ASPH: variants seen among roughly 807,000 people sequenced by gnomAD.
ASPH encodes aspartate beta-hydroxylase.
ASPH carries 100 observed loss-of-function variants against 118.4 expected under a neutral mutation model. That is an observed-to-expected ratio of 0.84 (90% CI 0.72 to 1.00). The LOEUF (loss-of-function observed/expected upper bound fraction) is 1.00, where lower values mean the gene tolerates loss of function less well. Among genes scored for constraint, ASPH ranks in the 50% least tolerant of loss-of-function variants. ASPH has a pLI of 0.00. For missense variants in ASPH, 920 were observed against 919.5 expected (o/e 1.00, Z -0.01); for synonymous variants, 315 against 325.6 (o/e 0.97, Z 0.35).
At chr8:61,682,013 TATC>T (rs1352510682) in intron 2 of ASPH, among the ~76,000 whole-genome samples, 1 of 151,998 alleles carries the variant, frequency 6.6e-6, no homozygotes, top group Non-Finnish European at 1.5e-5. Context: ...TGGCAATTGT[TATC>T]ATTTCTTTAA....
intron 1 of ASPH, among the ~76,000 whole-genome samples, chr8:61,685,033 AGAT>A (rs1829877394): frequency 6.6e-6 from 1 of 152,206 alleles, no homozygotes; most frequent in African/African-American, 2.4e-5. Context: ...TTTATCAAAC[AGAT>A]GATGGAAGGC....
chr8:61,646,636 T>C (rs1325116364), intron 6 of ASPH, 114 bp downstream of exon 6: 1 of 1,230,298 alleles, frequency 8.1e-7, no homozygotes, highest in Non-Finnish European at 1.1e-6. Flanking sequence ...GCTTCAACTT[T>C]TAAAAATCTA....
rs116980669 is a variant in ASPH at position 61,697,617 on chromosome 8, C to T, written c.104-13429G>A. ...ACCCCCTCCTCCAGTTTGATTAATGCGCTAAAGGGGTTCACAGAACTCAGA... is the reference window on the plus strand; with the variant it reads ...ACCCCCTCCTCCAGTTTGATTAATGTGCTAAAGGGGTTCACAGAACTCAGA... On this transcript the variant is annotated intron_variant, in intron 1 of 24. Transcript: ENST00000379454. 2.2e-4 allele frequency among the ~76,000 whole-genome samples: 33 copies of T among 152,204 alleles called. No individual in the cohort carries two copies. The East Asian group carries it at 4.8e-3, about 22-fold the overall frequency.
intron 1 of ASPH, among the ~76,000 whole-genome samples, chr8:61,706,639 G>C (rs1436185476): frequency 6.6e-6 from 1 of 152,092 alleles, no homozygotes; most frequent in African/African-American, 2.4e-5. Flanking sequence ...TATTTTTCAT[G>C]AACATATTTG....
intron 9 of ASPH, 125 bp from the exon 10 acceptor site, chr8:61,643,045 C>T: frequency 1.2e-6 from 1 of 865,706 alleles, no homozygotes; most frequent in Non-Finnish European, 1.7e-6. Flanking sequence ...ATATTAATGT[C>T]TGCTCAGTCA....
chr8:61,667,282 G>T (rs1378897855), intron 3 of ASPH, among the ~76,000 whole-genome samples: 1 of 152,128 alleles, frequency 6.6e-6, no homozygotes, highest in South Asian at 2.1e-4. Flanking sequence ...ACTAACATAT[G>T]AACAAGAATA....
intron 14 of ASPH, among the ~76,000 whole-genome samples, chr8:61,612,999 AG>A (rs1341362190): frequency 6.6e-6 from 1 of 152,174 alleles, no homozygotes; most frequent in Non-Finnish European, 1.5e-5. Flanking sequence ...ATGAAAGGGA[AG>A]GGGGTTAGTC....
intron 3 of ASPH, among the ~76,000 whole-genome samples, chr8:61,673,820 T>TCACACACA (rs374632583): frequency 1.3e-5 from 2 of 150,754 alleles, no homozygotes; most frequent in Admixed American, 6.6e-5. Context: ...TTTATCTCTC[T>TCACACACA]CACACACACA....
intron 21 of ASPH, among the ~76,000 whole-genome samples, chr8:61,534,248 A>G (rs1040061896): frequency 6.6e-6 from 1 of 152,054 alleles, no homozygotes; most frequent in Non-Finnish European, 1.5e-5. Flanking sequence ...TGCCCAGCCC[A>G]CTCATATTTT....
At chr8:61,590,550 CTGTGTGTGTG>C (rs5891814) in intron 14 of ASPH, among the ~76,000 whole-genome samples, 346 of 146,794 alleles carry the variant, frequency 2.4e-3, no homozygotes, top group Middle Eastern at 0.01. Flanking sequence ...TAATTTAACT[CTGTGTGTGTG>C]TGTGTGTGTG....
intron 15 of ASPH, chr8:61,579,226 C>A (rs1257018344): frequency 6.2e-6 from 10 of 1,613,604 alleles, no homozygotes; most frequent in Non-Finnish European, 8.5e-6. Flanking sequence ...GCCGCCATTG[C>A]AGATGCCGAG....
rs781217888 is a variant in ASPH, at chr8:61,562,844, A to C, written c.1337T>G (p.Leu446Ter). ...MRGSLLTLQRLVQLFPNDTSL... is the reference protein window; with the variant it reads ...MRGSLLTLQR ...AGTATCATTGGGAAATAGTTGAACT[A>C]ATCTCTGCAGGGTAAGCAGGGAACC... is the stretch of plus-strand genomic sequence containing the variant. Residue 446 changes from leucine (L) to a stop codon, truncating the protein, a stop_gained, in exon 18 of 25, where the codon TTA becomes TGA. Transcript: ENST00000379454. LOFTEE classifies it high-confidence loss of function. 1 of 1,612,536 alleles carries C rather than the reference A, an allele frequency of 6.2e-7. No individual in the cohort carries two copies. The highest frequency in any genetic ancestry group is 8.5e-7 in the Non-Finnish European group (1 of 1,179,410).
Position 61,643,977 on chromosome 8 carries a change from A to G in ASPH, c.677T>C (p.Met226Thr). The change falls in exon 8 of 25, where the codon ATG (methionine) becomes ACG (threonine). Residue 226 changes from methionine to threonine, a missense_variant. Coordinates refer to ENST00000379454, the MANE Select transcript of ASPH (RefSeq NM_004318.4). ...TTCCTGCTCAGACATCATCTCTTCC[A>G]TATCCTGATTACAGTCTTGTGAAAC... Reference protein sequence around the residue: ...ETVSQDCNQDMEEMMSEQENP... With the variant: ...ETVSQDCNQDTEEMMSEQENP... 1 of 1,611,116 alleles carries G rather than the reference A, an allele frequency of 6.2e-7. No individual in the cohort carries two copies. The highest frequency in any genetic ancestry group is 8.5e-7 in the Non-Finnish European group (1 of 1,177,666).
At chr8:61,618,904 C>A (rs1588163005) in intron 14 of ASPH, 74 bp downstream of exon 14, 14 of 1,314,012 alleles carry the variant, frequency 1.1e-5, no homozygotes, top group Non-Finnish European at 1.4e-5. Flanking sequence ...TCATGTTATT[C>A]TTGGATGGAA....
At chr8:61,581,221 T>C (rs571936981) in intron 15 of ASPH, among the ~76,000 whole-genome samples, 2 of 152,350 alleles carry the variant, frequency 1.3e-5, no homozygotes, top group East Asian at 1.9e-4. Flanking sequence ...AAAGTAAATG[T>C]GTTTGCTTTT....
chr8:61,638,908 C>G lies in ASPH; in HGVS notation c.791-545G>C, dbSNP rs375082670. 3.9e-5 allele frequency among the ~76,000 whole-genome samples: 6 copies of G among 152,350 alleles called. No individual in the cohort carries two copies. In the South Asian group the frequency reaches 6.2e-4, roughly 16 times the overall value. Reference sequence around the variant, plus strand: ...CTCTCCAGGGCCCAGTGGCTCAAAGCTTCCTCAGTCAACCTGATCTTCCAA... The same window carrying G: ...CTCTCCAGGGCCCAGTGGCTCAAAGGTTCCTCAGTCAACCTGATCTTCCAA... On this transcript the variant is annotated intron_variant, in intron 10 of 24. Transcript: ENST00000379454.
At chr8:61,602,002 A>C (rs1165989375) in intron 14 of ASPH, among the ~76,000 whole-genome samples, 1 of 151,424 alleles carries the variant, frequency 6.6e-6, no homozygotes, top group African/African-American at 2.5e-5. Context: ...CAAACACAAA[A>C]TACTAGGCCC....
chr8:61,654,188 T>C (rs565571077), intron 3 of ASPH, among the ~76,000 whole-genome samples: 44 of 152,328 alleles, frequency 2.9e-4, no homozygotes, highest in African/African-American at 9.6e-4. Context: ...TATTATTCTA[T>C]AACAGCTAAA....
At chr8:61,583,559 A>T (rs1838294419) in intron 15 of ASPH, 1 of 159,898 alleles carries the variant, frequency 6.3e-6, no homozygotes, top group Non-Finnish European at 1.4e-5. Context: ...AAAAAAAAAA[A>T]ATTCTCATTT....
Sources: allele counts gnomAD v4.1 joint callset (sites outside exome capture counted in the v4.1 genomes callset), GRCh38; gene constraint gnomAD v4.1.1; transcripts MANE v1.5; gene names NCBI Gene and HGNC (gene_info 2026-07-23, HGNC 2026-07-21).